Variants in XKR9 observed in about 807,000 individuals in gnomAD.
XKR9 encodes the protein XK related 9.
Under a neutral mutation model 32.0 loss-of-function variants are expected in XKR9, and 32 were observed. That is an observed-to-expected ratio of 1.00 (90% confidence interval 0.76 to 1.34). The LOEUF (loss-of-function observed/expected upper bound fraction) is 1.34. XKR9 is among the 40% of genes most tolerant of loss of function. The pLI is 0.00. For missense variants in XKR9, 546 were observed against 429.7 expected (o/e 1.27, Z -2.39); for synonymous variants, 168 against 143.4 (o/e 1.17, Z -1.22).
At chr8:70,776,479 A>T (rs1807521886) in intron 2 of XKR9, among the ~76,000 whole-genome samples, 1 of 151,956 alleles carries the variant, frequency 6.6e-6, no homozygotes, top group Non-Finnish European at 1.5e-5. Context: ...GTCTGGTTGG[A>T]TTCTTATTTC....
At chr8:70,723,917 G>A (rs1266528236) in intron 4 of XKR9, among the ~76,000 whole-genome samples, 2 of 146,654 alleles carry the variant, frequency 1.4e-5, no homozygotes, top group South Asian at 2.1e-4. Context: ...ACGGAGTGTC[G>A]CTCTGTGGCC....
intron 2 of XKR9, among the ~76,000 whole-genome samples, chr8:70,679,492 A>C (rs1819001436): frequency 6.6e-6 from 1 of 152,216 alleles, no homozygotes; most frequent in Non-Finnish European, 1.5e-5. Flanking sequence ...ACACACAGCT[A>C]GTAGGTAGCT....
the XKR9 span, among the ~76,000 whole-genome samples, chr8:70,820,604 G>A: frequency 1.3e-5 from 2 of 152,152 alleles, no homozygotes; most frequent in African/African-American, 4.8e-5. Flanking sequence ...AAAGGAAAGA[G>A]GTTTAATTGA....
the XKR9 span, among the ~76,000 whole-genome samples, chr8:70,997,613 G>GA: frequency 2.7e-5 from 4 of 150,908 alleles, no homozygotes; most frequent in Admixed American, 2.6e-4. Flanking sequence ...GGACACGGGG[G>GA]AAAGGGTGGG....
chr8:70,999,343 G>T, the XKR9 span, among the ~76,000 whole-genome samples: 1 of 151,988 alleles, frequency 6.6e-6, no homozygotes, highest in Non-Finnish European at 1.5e-5. Flanking sequence ...GTCCATTTTT[G>T]TTTCCACCAT....
chr8:70,984,406 C>T, the XKR9 span, among the ~76,000 whole-genome samples: 1 of 152,214 alleles, frequency 6.6e-6, no homozygotes, highest in Non-Finnish European at 1.5e-5. Flanking sequence ...TAATCTCTCC[C>T]TTTCTCTTAC....
the XKR9 span, among the ~76,000 whole-genome samples, chr8:70,800,877 G>A: frequency 2.0e-5 from 3 of 151,742 alleles, no homozygotes; most frequent in African/African-American, 2.4e-5. Flanking sequence ...TTTCTTCCTG[G>A]TTCAGTCTTG....
the XKR9 span, among the ~76,000 whole-genome samples, chr8:70,836,693 A>C: frequency 3.9e-5 from 6 of 152,032 alleles, no homozygotes; most frequent in Admixed American, 6.6e-5. Context: ...GGACATGTGC[A>C]TTCATATTTC....
chr8:70,938,098 A>C, the XKR9 span, among the ~76,000 whole-genome samples: 1 of 151,992 alleles, frequency 6.6e-6, no homozygotes, highest in Non-Finnish European at 1.5e-5. Context: ...TGCTGTTATC[A>C]GTTTAGAGGA....
At chr8:71,005,203 A>G in the XKR9 span, among the ~76,000 whole-genome samples, 1 of 142,952 alleles carries the variant, frequency 7.0e-6, no homozygotes, top group East Asian at 2.0e-4. Flanking sequence ...TCTGGGGCTC[A>G]GTTTTTTTTT....
chr8:70,736,829 C>A (rs530808133), downstream of XKR9, among the ~76,000 whole-genome samples: 61 of 133,394 alleles, frequency 4.6e-4, no homozygotes, highest in South Asian at 4.4e-3. Context: ...TGATCTATAT[C>A]TCTGTTTTGG....
chr8:70,833,080 A>G, the XKR9 span, among the ~76,000 whole-genome samples: 1 of 152,218 alleles, frequency 6.6e-6, no homozygotes, highest in African/African-American at 2.4e-5. Context: ...GGTTTGTCAT[A>G]TCTTCTGTCA....
intron 2 of XKR9, among the ~76,000 whole-genome samples, chr8:70,770,735 A>C (rs1411369174): frequency 6.6e-6 from 1 of 152,160 alleles, no homozygotes; most frequent in Non-Finnish European, 1.5e-5. Flanking sequence ...TGCCTACTCA[A>C]GCCTCAGTAA....
chr8:70,806,280 C>T, the XKR9 span, among the ~76,000 whole-genome samples: 3 of 152,070 alleles, frequency 2.0e-5, no homozygotes, highest in Admixed American at 1.3e-4. Flanking sequence ...AGCCTCAAAT[C>T]GAAACTACAC....
chr8:71,007,189 C>A, the XKR9 span, among the ~76,000 whole-genome samples: 1 of 152,272 alleles, frequency 6.6e-6, no homozygotes, highest in Non-Finnish European at 1.5e-5. Flanking sequence ...AGAAAGCCAC[C>A]TTCTGGTGGC....
the XKR9 span, among the ~76,000 whole-genome samples, chr8:70,879,858 T>C: frequency 3.0e-4 from 45 of 152,306 alleles, no homozygotes; most frequent in African/African-American, 1.1e-3. Context: ...CTGATGAACG[T>C]TGATGCGAAA....
At chr8:71,041,663 G>C in the XKR9 span, among the ~76,000 whole-genome samples, 1 of 152,224 alleles carries the variant, frequency 6.6e-6, no homozygotes, top group African/African-American at 2.4e-5. Flanking sequence ...CCTTCATGCT[G>C]TTCTCTTAAC....
intron 2 of XKR9, among the ~76,000 whole-genome samples, chr8:70,741,220 G>T (rs1442798596): frequency 4.6e-5 from 7 of 152,190 alleles, no homozygotes; most frequent in Non-Finnish European, 1.0e-4. Context: ...GATTAGTTTA[G>T]ATAAGGTTAT....
At chr8:70,773,379 C>T (rs559440388) in intron 2 of XKR9, among the ~76,000 whole-genome samples, 1 of 152,286 alleles carries the variant, frequency 6.6e-6, no homozygotes, top group African/African-American at 2.4e-5. Flanking sequence ...AATTTGAATA[C>T]AATCTACTGG....
Sources: gnomAD v4.1 joint callset for allele counts (sites outside exome capture counted in the v4.1 genomes callset) on GRCh38, gnomAD v4.1.1 for gene constraint, MANE v1.5 for transcripts, NCBI Gene and HGNC (gene_info 2026-07-23, HGNC 2026-07-21) for gene names.